Variants in TEX36 observed in about 807,000 individuals in gnomAD.
TEX36 encodes the protein testis-expressed protein 36.
Under a neutral mutation model 13.6 loss-of-function variants are expected in TEX36, and 12 were observed. The observed-to-expected ratio is 0.88, with a 90% CI of 0.56 to 1.43. The LOEUF is 1.43. Among genes scored for constraint, TEX36 ranks in the 40% most tolerant of loss-of-function variants. The pLI, the probability that TEX36 is intolerant of heterozygous loss-of-function variation, is 0.00. For synonymous variants in TEX36, 93 were observed against 83.0 expected (o/e 1.12, Z -0.65); for missense variants, 224 against 228.3 (o/e 0.98, Z 0.12).
At chr10:125,603,932 G>T (rs1043979719) in intron 3 of TEX36, among the ~76,000 whole-genome samples, 12 of 152,138 alleles carry the variant, frequency 7.9e-5, no homozygotes, top group African/African-American at 2.9e-4. Context: ...TCTGGCTCTT[G>T]TACTGCACTG....
At chr10:125,599,254 G>T (rs1280009344) in intron 3 of TEX36, among the ~76,000 whole-genome samples, 8 of 152,178 alleles carry the variant, frequency 5.3e-5, no homozygotes, top group Non-Finnish European at 5.9e-5. Flanking sequence ...TTGCCCTTAA[G>T]ATGTTAAAAC....
rs570777262 is a variant in TEX36 at position 125,580,209 on chromosome 10, A to G, written c.265-3335T>C. On this transcript the variant is annotated intron_variant, in intron 3 of 3. Coordinates refer to the TEX36 transcript ENST00000532135. ...ACATTGGACTTGTCTTTAAACCATG[A>G]AAGGATCCCTTTAACACTCATTAAA... Among the ~76,000 whole-genome samples the G allele has an allele frequency of 9.2e-5, 14 of 152,322 alleles. 1 individual carries two copies. The South Asian group carries it at 1.7e-3, about 18-fold the overall frequency.
At chr10:125,616,706 T>C, downstream of TEX36, among the ~76,000 whole-genome samples, 1 of 120,166 alleles carries the variant, frequency 8.3e-6, no homozygotes, top group East Asian at 2.3e-4. Flanking sequence ...TACTTCCAAG[T>C]ATGTGGTCAA....
chr10:125,625,095 C>T (rs1201882478), intron 3 of TEX36, among the ~76,000 whole-genome samples: 1 of 152,220 alleles, frequency 6.6e-6, no homozygotes, highest in Non-Finnish European at 1.5e-5. Flanking sequence ...CTGACTCTTG[C>T]ACCTCCCCAG....
At chr10:125,627,873 G>C (rs554717026) in intron 3 of TEX36, among the ~76,000 whole-genome samples, 2 of 152,328 alleles carry the variant, frequency 1.3e-5, no homozygotes, top group South Asian at 4.1e-4. Context: ...GTGGATTTGA[G>C]AAGGTGCCAG....
intron 3 of TEX36, among the ~76,000 whole-genome samples, chr10:125,648,980 A>G (rs1034558121): frequency 1.3e-5 from 2 of 152,186 alleles, no homozygotes; most frequent in African/African-American, 4.8e-5. Context: ...AGAAATAACA[A>G]AGCCTCCAAG....
At chr10:125,642,558 T>C (rs1004873518) in intron 3 of TEX36, among the ~76,000 whole-genome samples, 1 of 152,232 alleles carries the variant, frequency 6.6e-6, no homozygotes, top group African/African-American at 2.4e-5. Context: ...TTAGTGAACA[T>C]AAAATCCCTT....
chr10:125,677,263 T>C (rs113901383), intron 1 of TEX36, among the ~76,000 whole-genome samples: 241 of 152,330 alleles, frequency 1.6e-3, no homozygotes, highest in African/African-American at 5.5e-3. Flanking sequence ...ACTTGGGAAG[T>C]TTTTATCTAT....
intron 3 of TEX36, among the ~76,000 whole-genome samples, chr10:125,579,166 C>T (rs1313576270): frequency 1.3e-5 from 2 of 152,212 alleles, no homozygotes; most frequent in African/African-American, 2.4e-5. Flanking sequence ...CGTATTAGTC[C>T]GTTCTCATGC....
intron 3 of TEX36, among the ~76,000 whole-genome samples, chr10:125,609,255 G>A (rs1413089781): frequency 6.6e-6 from 1 of 152,080 alleles, no homozygotes; most frequent in African/African-American, 2.4e-5. Flanking sequence ...TTGTGTGGTT[G>A]GTTGGTGGCC....
At chr10:125,627,578 CT>C (rs78621874) in intron 3 of TEX36, among the ~76,000 whole-genome samples, 6,537 of 152,258 alleles carry the variant, frequency 0.043, 240 homozygotes, top group South Asian at 0.17. Context: ...CAATCCTGAT[CT>C]TTTTTATCTT....
In TEX36 at chr10:125,679,147, G is replaced by A. The variant is rs11244600; in HGVS notation, c.51+3792C>T. The stretch of plus-strand genomic sequence containing the variant: ...CTCTGGCTACAGGAGCACCCCCCCC[G>A]CCCCCGCCAAGCTGACAACTTAGTT... On this transcript the variant is annotated intron_variant, in intron 1 of 3. Transcript: ENST00000368821. Among the ~76,000 whole-genome samples, 5 of 82,476 alleles carry A rather than the reference G, an allele frequency of 6.1e-5. 1 individual carries two copies. The highest frequency in any genetic ancestry group is 4.7e-4 in the South Asian group (1 of 2,134). 54.1% of individuals were successfully genotyped at this position (82,476 alleles called of 152,430 possible).
downstream of TEX36, among the ~76,000 whole-genome samples, chr10:125,619,044 G>A (rs914089576): frequency 4.6e-5 from 7 of 150,806 alleles, no homozygotes; most frequent in Admixed American, 6.6e-5. Flanking sequence ...GCAGGAGAAT[G>A]GCATGAACCC....
intron 1 of TEX36, among the ~76,000 whole-genome samples, chr10:125,682,113 C>T (rs1847405244): frequency 6.6e-6 from 1 of 152,200 alleles, no homozygotes; most frequent in South Asian, 2.1e-4. Flanking sequence ...TTCCCCTTAA[C>T]ATTCTTTTTG....
At chr10:125,673,573 C>A (rs377663601) in intron 1 of TEX36, among the ~76,000 whole-genome samples, 1 of 151,648 alleles carries the variant, frequency 6.6e-6, no homozygotes, top group Non-Finnish European at 1.5e-5. Flanking sequence ...AGCTGGGCAT[C>A]GTGTCAGGTG....
chr10:125,606,039 T>C (rs887787666), intron 3 of TEX36, among the ~76,000 whole-genome samples: 2 of 152,234 alleles, frequency 1.3e-5, no homozygotes, highest in African/African-American at 4.8e-5. Flanking sequence ...GCACCTACTC[T>C]GTACTTTTTT....
At chr10:125,608,721 G>A (rs1158605396) in intron 3 of TEX36, among the ~76,000 whole-genome samples, 1 of 152,178 alleles carries the variant, frequency 6.6e-6, no homozygotes, top group African/African-American at 2.4e-5. Flanking sequence ...TAGCGCCATA[G>A]ACAAATAGCC....
intron 3 of TEX36, among the ~76,000 whole-genome samples, chr10:125,636,431 G>T (rs1312010339): frequency 6.7e-6 from 1 of 149,046 alleles, no homozygotes; most frequent in Non-Finnish European, 1.5e-5. Context: ...AGCCAGGATG[G>T]TCTCGATCTC....
chr10:125,668,887 G>A (rs1291668328), intron 1 of TEX36, among the ~76,000 whole-genome samples: 11 of 152,122 alleles, frequency 7.2e-5, no homozygotes, highest in African/African-American at 2.4e-4. Context: ...GGCCGGGCAC[G>A]GTGGCTCACG....
Sources: allele counts gnomAD v4.1 joint callset (sites outside exome capture counted in the v4.1 genomes callset), GRCh38; gene constraint gnomAD v4.1.1; transcripts MANE v1.5; gene names NCBI Gene and HGNC (gene_info 2026-07-23, HGNC 2026-07-21).